The following ARRB1 variants were observed in gnomAD, a reference collection of about 807,000 sequenced individuals.
The protein encoded by ARRB1 is beta-arrestin-1.
Under a neutral mutation model 56.8 loss-of-function variants are expected in ARRB1, and 21 were observed. The observed-to-expected ratio is 0.37, with a 90% CI of 0.26 to 0.53. ARRB1 has a LOEUF of 0.53. Ranked by LOEUF, ARRB1 falls within the 20% of genes least tolerant of loss-of-function variation. ARRB1 has a pLI of 0.88. For missense variants in ARRB1, 424 were observed against 553.7 expected, an observed-to-expected ratio of 0.77 and a Z score of 2.35; for synonymous variants, 210 against 218.6, an observed-to-expected ratio of 0.96 and a Z score of 0.35.
At chr11:75,324,941 G>T (rs1222211332) in intron 1 of ARRB1, among the ~76,000 whole-genome samples, 1 of 152,110 alleles carries the variant, frequency 6.6e-6, no homozygotes, top group Admixed American at 6.5e-5. Flanking sequence ...CCCAGGGCTG[G>T]TGGCTGGCGT....
In ARRB1 at chr11:75,340,323, TAC is replaced by T. The variant is rs761789369; in HGVS notation, c.20+11263_20+11264del. ...CCCAGAGGCCTGCACTGAGGAAGCA[TAC>T]ATGGCTCACCATTCTACACAGTGTG... On this transcript the variant is annotated intron_variant, in intron 1 of 15. Transcript: ENST00000420843. Among the ~76,000 whole-genome samples the T allele has an allele frequency of 1.2e-3, 176 of 152,256 alleles. 4 individuals are homozygous for T. The highest frequency in any genetic ancestry group is 2.8e-4 in the Non-Finnish European group (19 of 68,008).
Position 75,281,197 on chromosome 11 carries a change from C to T in ARRB1, c.415-55G>A. On this transcript the variant is annotated intron_variant, in intron 6 of 15. Coordinates refer to ENST00000420843, the MANE Select transcript of ARRB1 (RefSeq NM_004041.5). ...CCTTGGAGAAGCAGGGTCCCCAGTA[C>T]ACAGCCAGCCCACCTCTCATTTTAC... The T allele has an allele frequency of 3.3e-6, 5 of 1,499,306 alleles. No individual in the cohort carries two copies. In the South Asian group the frequency reaches 4.8e-5, roughly 14 times the overall value. 92.9% of individuals were successfully genotyped at this position (1,499,306 alleles called of 1,614,324 possible).
intron 1 of ARRB1, among the ~76,000 whole-genome samples, chr11:75,327,301 C>CAAAAAAAA (rs777940901): frequency 1.7e-5 from 1 of 60,260 alleles, no homozygotes; most frequent in East Asian, 5.4e-4. Flanking sequence ...AACTCCATCT[C>CAAAAAAAA]AAAAAAAAAA....
chr11:75,340,746 G>A (rs771556225), intron 1 of ARRB1, among the ~76,000 whole-genome samples: 19 of 152,314 alleles, frequency 1.2e-4, no homozygotes, highest in Middle Eastern at 6.8e-3. Context: ...AGCCAGGCTC[G>A]GGGCTCTGCA....
chr11:75,268,809 A>AC (rs1000965098), intron 14 of ARRB1, 80 bp downstream of exon 14: 1 of 1,505,776 alleles, frequency 6.6e-7, no homozygotes, highest in African/African-American at 1.4e-5. Context: ...CTGAGGGCGA[A>AC]CCCGGGGCGG....
chr11:75,343,813 T>C (rs1307139925), intron 1 of ARRB1, among the ~76,000 whole-genome samples: 2 of 142,774 alleles, frequency 1.4e-5, no homozygotes, highest in African/African-American at 5.2e-5. Flanking sequence ...GACCTGAGTA[T>C]TTTTTTTTTT....
At chr11:75,324,479 C>G (rs1459561662) in intron 1 of ARRB1, among the ~76,000 whole-genome samples, 2 of 152,180 alleles carry the variant, frequency 1.3e-5, no homozygotes, top group Non-Finnish European at 2.9e-5. Context: ...GGGTTCAGAA[C>G]AGGGCCTGGC....
intron 1 of ARRB1, among the ~76,000 whole-genome samples, chr11:75,321,132 C>T (rs1947343555): frequency 1.3e-5 from 2 of 152,296 alleles, no homozygotes; most frequent in African/African-American, 4.8e-5. Flanking sequence ...TTCCTGCCCT[C>T]CTTCCTTTCA....
At chr11:75,325,156 C>T (rs1480207180) in intron 1 of ARRB1, among the ~76,000 whole-genome samples, 1 of 151,988 alleles carries the variant, frequency 6.6e-6, no homozygotes, top group East Asian at 1.9e-4. Context: ...AGAGATTGAC[C>T]GTAAGGAGGA....
chr11:75,343,264 G>T (rs538468060), intron 1 of ARRB1, among the ~76,000 whole-genome samples: 1 of 152,184 alleles, frequency 6.6e-6, no homozygotes, highest in Non-Finnish European at 1.5e-5. Context: ...ATCCAGTGAG[G>T]GCTTCCCAGA....
chr11:75,308,565 G>A (rs1947083462), intron 1 of ARRB1, among the ~76,000 whole-genome samples: 3 of 152,108 alleles, frequency 2.0e-5, no homozygotes, highest in Admixed American at 1.3e-4. Flanking sequence ...CCAACATGGT[G>A]AAACCCTGTC....
chr11:75,311,196 C>T (rs527947429), intron 1 of ARRB1, among the ~76,000 whole-genome samples: 6 of 152,234 alleles, frequency 3.9e-5, no homozygotes, highest in East Asian at 3.9e-4. Context: ...ATTAGCCTGG[C>T]GTGGTGGCAC....
At chr11:75,305,018 CTTTTTTTTTTTTTTTT>C (rs35323331) in intron 1 of ARRB1, among the ~76,000 whole-genome samples, 1 of 86,732 alleles carries the variant, frequency 1.2e-5, no homozygotes, top group Admixed American at 1.4e-4. Context: ...TTCTTTCTTT[CTTTTTTTTTTTTTTTT>C]TTTTTTGAGA....
At chr11:75,343,284 G>A (rs1947717413) in intron 1 of ARRB1, among the ~76,000 whole-genome samples, 1 of 152,200 alleles carries the variant, frequency 6.6e-6, no homozygotes, top group South Asian at 2.1e-4. Context: ...AGGAAGAGGT[G>A]TATGTGATCC....
At position 75,274,514 on chromosome 11, in the gene ARRB1, G is replaced by A. The variant is rs1326064403; in HGVS notation, c.777-303C>T. 6 of 264,356 alleles carry A rather than the reference G, an allele frequency of 2.3e-5. 1 individual carries two copies. The South Asian group carries it at 2.8e-4, about 12-fold the overall frequency. 16.4% of individuals were successfully genotyped at this position (264,356 alleles called of 1,614,324 possible). On this transcript the variant is annotated intron_variant, in intron 10 of 15. Coordinates refer to ENST00000420843, the MANE Select transcript of ARRB1 (RefSeq NM_004041.5). ...TTTATTTAAAGAATTACAGCCAGCC[G>A]GGTGCAGTGGCTCACGCCTGTAATC... is the stretch of plus-strand genomic sequence containing the variant.
At chr11:75,310,164 G>A (rs554879723) in intron 1 of ARRB1, among the ~76,000 whole-genome samples, 6 of 152,112 alleles carry the variant, frequency 3.9e-5, no homozygotes, top group African/African-American at 7.2e-5. Flanking sequence ...ATGGGGTCTC[G>A]CTCTCTCCCC....
chr11:75,287,454 G>T, intron 2 of ARRB1, 79 bp from the exon 3 acceptor site: 1 of 1,446,956 alleles, frequency 6.9e-7, no homozygotes, highest in African/African-American at 1.4e-5. Flanking sequence ...GAAACCCTGC[G>T]GGCAGCCTCT....
intron 1 of ARRB1, among the ~76,000 whole-genome samples, chr11:75,306,397 G>A (rs781492051): frequency 1.7e-4 from 26 of 151,976 alleles, no homozygotes; most frequent in Non-Finnish European, 2.9e-4. Flanking sequence ...TCTCCACCCC[G>A]CACTGTTCCT....
At chr11:75,316,120 G>A (rs933192455) in intron 1 of ARRB1, among the ~76,000 whole-genome samples, 1 of 152,158 alleles carries the variant, frequency 6.6e-6, no homozygotes, top group African/African-American at 2.4e-5. Flanking sequence ...CTGAGATCAG[G>A]AGTTCAAGAC....
Sources: allele counts gnomAD v4.1 joint callset (sites outside exome capture counted in the v4.1 genomes callset), GRCh38; gene constraint gnomAD v4.1.1; transcripts MANE v1.5; gene names NCBI Gene and HGNC (gene_info 2026-07-23, HGNC 2026-07-21).